The following TPM1 variants were observed in gnomAD, a reference collection of about 807,000 sequenced individuals.
TPM1 encodes tropomyosin 1.
In TPM1, 24 loss-of-function variants were observed where a neutral mutation model predicts 42.9. The observed-to-expected ratio is 0.56, with a 90% CI of 0.41 to 0.79. The LOEUF is 0.79. TPM1 is among the 30% of genes least tolerant of loss of function. The pLI is 0.00. For missense variants in TPM1, 158 were observed against 351.8 expected (o/e 0.45, Z 4.41); for synonymous variants, 136 against 130.1 (o/e 1.05, Z -0.31).
chr15:63,059,491 C>T, intron 3 of TPM1, 72 bp from the exon 4 acceptor site: 2 of 1,231,876 alleles, frequency 1.6e-6, no homozygotes, highest in East Asian at 5.1e-5. Context: ...CCTCACAAGC[C>T]ACAGCAGTGC....
downstream of TPM1, chr15:63,071,057 T>C (rs1460853037): frequency 6.2e-7 from 1 of 1,613,416 alleles, no homozygotes; most frequent in Non-Finnish European, 8.5e-7. Flanking sequence ...AAAGCACAGC[T>C]ATTCATGACT....
intron 3 of TPM1, among the ~76,000 whole-genome samples, chr15:63,058,526 G>A (rs187161661): frequency 6.6e-6 from 1 of 152,100 alleles, no homozygotes; most frequent in Non-Finnish European, 1.5e-5. Flanking sequence ...GGCTAACGTG[G>A]CATAACCCCT....
At chr15:63,069,748 A>G (rs2036500203), downstream of TPM1, 12 of 1,243,616 alleles carry the variant, frequency 9.6e-6, no homozygotes, top group African/African-American at 1.5e-5. Context: ...CTGCTCAGCA[A>G]GTGACCAGTT....
At chr15:63,045,656 G>T (rs1342744247) in intron 2 of TPM1, 1 of 152,184 alleles carries the variant, frequency 6.6e-6, no homozygotes, top group Non-Finnish European at 1.5e-5. Context: ...GGAGAAAAAG[G>T]TTACTACAAT....
At chr15:63,069,044 T>C (rs1403150965), downstream of TPM1, among the ~76,000 whole-genome samples, 8 of 151,960 alleles carry the variant, frequency 5.3e-5, no homozygotes, top group Non-Finnish European at 1.2e-4. Flanking sequence ...TCCCAGCTAC[T>C]AGGGAGGCTG....
At chr15:63,053,677 T>C (rs2034301775) in intron 2 of TPM1, among the ~76,000 whole-genome samples, 1 of 75,380 alleles carries the variant, frequency 1.3e-5, no homozygotes. Context: ...AGTTTGATTT[T>C]TTTTTTTTTT....
chr15:63,063,023 T>C (rs1226989285), intron 8 of TPM1: 2 of 1,334,732 alleles, frequency 1.5e-6, no homozygotes, highest in East Asian at 5.6e-5. Flanking sequence ...GTCTTGTTTT[T>C]AGAAGAACCC....
chr15:63,057,892 C>T lies in TPM1; in HGVS notation c.374+774C>T, dbSNP rs114383246. Among the ~76,000 whole-genome samples the T allele has an allele frequency of 9.5e-3, 1,453 of 152,250 alleles. 23 individuals are homozygous for T. The highest frequency in any genetic ancestry group is 0.033 in the African/African-American group (1,362 of 41,522). ...CATGAGGTGAGAGAGCGTTCTGCCG[C>T]TTGAGGGATGGCATAGCATGAAGGG... On this transcript the variant is annotated intron_variant, in intron 3 of 9. Transcript: ENST00000403994.
chr15:63,068,324 G>C (rs2036399324), downstream of TPM1, among the ~76,000 whole-genome samples: 1 of 152,210 alleles, frequency 6.6e-6, no homozygotes, highest in Non-Finnish European at 1.5e-5. Flanking sequence ...AAGGAAGAGA[G>C]AACCATTCTG....
chr15:63,043,478 G>A (rs540386956), intron 1 of TPM1: 1 of 723,388 alleles, frequency 1.4e-6, no homozygotes, highest in Non-Finnish European at 2.4e-6. Context: ...GTGGACTTGA[G>A]CCCGCTGAGA....
chr15:63,065,109 G>T, intron 9 of TPM1: 2 of 985,438 alleles, frequency 2.0e-6, no homozygotes, highest in Non-Finnish European at 2.4e-6. Context: ...ATTAAACACA[G>T]ATTGTACAAT....
chr15:63,048,946 G>C (rs1342580769), intron 2 of TPM1: 1 of 603,626 alleles, frequency 1.7e-6, no homozygotes, highest in African/African-American at 1.9e-5. Flanking sequence ...GGAAACGGGT[G>C]GTGTTGAGAA....
At chr15:63,069,413 G>T (rs1426596500), downstream of TPM1, among the ~76,000 whole-genome samples, 2 of 152,278 alleles carry the variant, frequency 1.3e-5, no homozygotes, top group East Asian at 3.9e-4. Context: ...AGGGGTTCTG[G>T]AAGAGGTGGG....
At position 63,043,256 on chromosome 15, in the gene TPM1, G is replaced by C. The variant is rs1329442045; in HGVS notation, c.114+313G>C. 7.8e-6 allele frequency: 4 copies of C among 514,616 alleles called. No individual in the cohort carries two copies. The East Asian group carries it at 1.6e-4, about 20-fold the overall frequency. The allele number at this position is 514,616 out of a possible 1,614,324, so 31.9% of individuals were successfully genotyped here. A position where few individuals can be genotyped will look rare whatever the true frequency, so the allele number is the denominator to read the frequency against. On this transcript the variant is annotated intron_variant, in intron 1 of 9. Coordinates refer to ENST00000403994, the MANE Select transcript of TPM1 (RefSeq NM_001018005.2). The stretch of plus-strand genomic sequence containing the variant: ...AGGGAGGAGGACACCCGGTTCCTGG[G>C]GACGTTTGAAGGAAGGGCGAGGGAT...
chr15:63,050,265 A>G (rs1441376455), intron 2 of TPM1, among the ~76,000 whole-genome samples: 3 of 152,216 alleles, frequency 2.0e-5, no homozygotes, highest in Non-Finnish European at 4.4e-5. Context: ...TGACATCATA[A>G]AACACTTCAT....
chr15:63,060,988 G>A, intron 5 of TPM1, 49 bp downstream of exon 5: 1 of 1,605,332 alleles, frequency 6.2e-7, no homozygotes, highest in Non-Finnish European at 8.5e-7. Flanking sequence ...CTGCAGAGCA[G>A]TGACTAAACA....
At chr15:63,043,019 C>G in intron 1 of TPM1, 76 bp downstream of exon 1, 4 of 1,352,418 alleles carry the variant, frequency 3.0e-6, no homozygotes, top group Non-Finnish European at 4.1e-6. Flanking sequence ...TGGATCCCCA[C>G]CCCGAGGACT....
chr15:63,062,365 C>T, intron 7 of TPM1, 88 bp downstream of exon 7: 4 of 1,409,754 alleles, frequency 2.8e-6, no homozygotes, highest in Non-Finnish European at 4.0e-6. Flanking sequence ...TTTTAAAGTT[C>T]CAATGATCCA....
intron 2 of TPM1, chr15:63,048,496 A>G: frequency 1.4e-6 from 2 of 1,456,252 alleles, no homozygotes; most frequent in Non-Finnish European, 1.8e-6. Flanking sequence ...GGCAGCCAGG[A>G]CAGCCGCGGC....
Sources: gnomAD v4.1 joint callset for allele counts (sites outside exome capture counted in the v4.1 genomes callset) on GRCh38, gnomAD v4.1.1 for gene constraint, MANE v1.5 for transcripts, NCBI Gene and HGNC (gene_info 2026-07-23, HGNC 2026-07-21) for gene names.